The following NRXN1 variants were observed in gnomAD, a reference collection of about 807,000 sequenced individuals.
NRXN1 encodes neurexin 1, also known as neurexin-1.
In NRXN1, 39 loss-of-function variants were observed where a neutral mutation model predicts 150.9. The ratio of observed to expected loss-of-function variants is 0.26; its 90% CI spans 0.20 to 0.34. The LOEUF (loss-of-function observed/expected upper bound fraction) is 0.34, where lower values mean the gene tolerates loss of function less well. Ranked by LOEUF, NRXN1 falls within the 10% of genes least tolerant of loss-of-function variation. The probability of loss-of-function intolerance (pLI) is 1.00; values close to 1 mark genes in which losing one functional copy is unlikely to be tolerated. For synonymous variants in NRXN1, 924 were observed against 757.0 expected, an observed-to-expected ratio of 1.22 and a Z score of -3.62; for missense variants, 1,815 against 1,949.9, an observed-to-expected ratio of 0.93 and a Z score of 1.30.
rs200259939 is a variant in NRXN1, at chr2:50,538,223, G to T, written c.2143+30C>A. 3.1e-6 allele frequency: 5 copies of T among 1,590,346 alleles called. No homozygotes were observed. The African/African-American group carries it at 5.4e-5, about 17-fold the overall frequency. On this transcript the variant is annotated intron_variant, in intron 10 of 22. Coordinates refer to ENST00000401669, the MANE Select transcript of NRXN1 (RefSeq NM_001330078.2). Reference sequence around the variant, plus strand: ...CATTTAATAAACTTTTCATCTCAGGGAGTTGGCTGCTGGGGTTTTAGAATC... The same window carrying T: ...CATTTAATAAACTTTTCATCTCAGGTAGTTGGCTGCTGGGGTTTTAGAATC...
intron 22 of NRXN1, among the ~76,000 whole-genome samples, chr2:49,929,210 G>C (rs911132949): frequency 6.6e-6 from 1 of 152,118 alleles, no homozygotes; most frequent in African/African-American, 2.4e-5. Context: ...AGGACAGGCT[G>C]CTACCTCATA....
At position 50,365,835 on chromosome 2, in the gene NRXN1, A is replaced by G. The variant is rs113876556; in HGVS notation, c.3364+99607T>C. On this transcript the variant is annotated intron_variant, in intron 17 of 22. Transcript: ENST00000401669. Reference sequence around the variant, plus strand: ...GCAGACATTTCTTGCTTTACATATAACTGGAGTAATGTTTTCTAAATCTGG... The same window carrying G: ...GCAGACATTTCTTGCTTTACATATAGCTGGAGTAATGTTTTCTAAATCTGG... Among the ~76,000 whole-genome samples the G allele has an allele frequency of 7.9e-5, 12 of 152,202 alleles. 1 individual carries two copies. The highest frequency in any genetic ancestry group is 2.9e-4 in the African/African-American group (12 of 41,562).
At chr2:50,459,715 T>C (rs1024975372) in intron 17 of NRXN1, among the ~76,000 whole-genome samples, 1 of 152,186 alleles carries the variant, frequency 6.6e-6, no homozygotes, top group Non-Finnish European at 1.5e-5. Flanking sequence ...TCTGTCATAC[T>C]AAGCCATTTA....
chr2:50,073,697 T>A (rs1451695177), intron 19 of NRXN1, among the ~76,000 whole-genome samples: 4 of 152,154 alleles, frequency 2.6e-5, no homozygotes, highest in African/African-American at 9.7e-5. Flanking sequence ...CTGCTAATCA[T>A]TTGTAGAGAT....
At chr2:50,983,695 A>G (rs1038146733) in intron 2 of NRXN1, among the ~76,000 whole-genome samples, 8 of 152,172 alleles carry the variant, frequency 5.3e-5, no homozygotes, top group African/African-American at 1.7e-4. Flanking sequence ...AAACGTAAAA[A>G]AAGAAAAAAC....
intron 17 of NRXN1, among the ~76,000 whole-genome samples, chr2:50,247,494 T>A (rs2066619162): frequency 1.3e-5 from 2 of 152,156 alleles, no homozygotes; most frequent in Non-Finnish European, 2.9e-5. Context: ...CCAAATATGG[T>A]ACACTGAGGA....
chr2:50,360,912 T>C (rs180767903), intron 17 of NRXN1, among the ~76,000 whole-genome samples: 11 of 152,090 alleles, frequency 7.2e-5, no homozygotes, highest in South Asian at 4.2e-4. Context: ...TAACAAACAG[T>C]CTCTCAGACC....
At chr2:50,931,516 A>C (rs2104395200) in intron 2 of NRXN1, among the ~76,000 whole-genome samples, 1 of 152,214 alleles carries the variant, frequency 6.6e-6, no homozygotes, top group South Asian at 2.1e-4. Flanking sequence ...ATATCAAAGA[A>C]AAAATGAAAT....
At chr2:50,528,369 A>C (rs908931384) in intron 12 of NRXN1, among the ~76,000 whole-genome samples, 2 of 152,150 alleles carry the variant, frequency 1.3e-5, no homozygotes, top group Non-Finnish European at 2.9e-5. Context: ...AAATGTCTAT[A>C]AGGTGCTGGC....
At chr2:50,366,516 G>C (rs2079593942) in intron 17 of NRXN1, among the ~76,000 whole-genome samples, 1 of 151,900 alleles carries the variant, frequency 6.6e-6, no homozygotes, top group East Asian at 1.9e-4. Context: ...GAAAGGATGA[G>C]GGGGAAGTGC....
At chr2:50,759,376 T>C (rs1354266799) in intron 5 of NRXN1, among the ~76,000 whole-genome samples, 1 of 151,894 alleles carries the variant, frequency 6.6e-6, no homozygotes, top group African/African-American at 2.4e-5. Flanking sequence ...AAGCCATGTA[T>C]CTTTTTATCT....
chr2:50,775,817 T>C (rs1703553776), intron 5 of NRXN1, among the ~76,000 whole-genome samples: 1 of 152,138 alleles, frequency 6.6e-6, no homozygotes, highest in Non-Finnish European at 1.5e-5. Context: ...ATCTCTTGTT[T>C]AAAAGTCAAC....
At chr2:50,817,827 A>G (rs1309654586) in intron 5 of NRXN1, among the ~76,000 whole-genome samples, 3 of 152,040 alleles carry the variant, frequency 2.0e-5, no homozygotes, top group Non-Finnish European at 2.9e-5. Flanking sequence ...AACACTTAAC[A>G]AACTAGGAAT....
chr2:50,570,925 A>G (rs1670576866), intron 8 of NRXN1, among the ~76,000 whole-genome samples: 1 of 152,178 alleles, frequency 6.6e-6, no homozygotes, highest in Admixed American at 6.6e-5. Flanking sequence ...TATGCTAGAT[A>G]GATGTAAATT....
At chr2:50,582,817 G>A (rs1472218231) in intron 8 of NRXN1, among the ~76,000 whole-genome samples, 4 of 152,044 alleles carry the variant, frequency 2.6e-5, no homozygotes, top group African/African-American at 9.7e-5. Flanking sequence ...GTTTCAGTTG[G>A]GTTTCAGTTG....
chr2:50,198,949 G>T lies in NRXN1; in HGVS notation c.3546+37840C>A, dbSNP rs149364257. Among the ~76,000 whole-genome samples, 740 of 152,238 alleles carry T rather than the reference G, an allele frequency of 4.9e-3. 8 individuals carry two copies. The highest frequency in any genetic ancestry group is 0.017 in the African/African-American group (701 of 41,560). Reference sequence around the variant, plus strand: ...AGCTACAAAGGTGTATGGCATGGCTGACACTCCCCAGTAGCTGCCCAAGGA... The same window carrying T: ...AGCTACAAAGGTGTATGGCATGGCTTACACTCCCCAGTAGCTGCCCAAGGA... On this transcript the variant is annotated intron_variant, in intron 18 of 22. Transcript: ENST00000401669.
intron 21 of NRXN1, among the ~76,000 whole-genome samples, chr2:50,013,269 G>GTT (rs1166079952): frequency 2.5e-5 from 1 of 40,642 alleles, no homozygotes; most frequent in Non-Finnish European, 4.7e-5. Flanking sequence ...TACTATTAAA[G>GTT]TTTCTTTTTT....
chr2:50,534,649 C>G (rs726359), intron 10 of NRXN1, among the ~76,000 whole-genome samples: 1 of 151,944 alleles, frequency 6.6e-6, no homozygotes, highest in African/African-American at 2.4e-5. Flanking sequence ...AAGCAACAAG[C>G]ACCCGAATAA....
intron 21 of NRXN1, among the ~76,000 whole-genome samples, chr2:50,040,929 A>G (rs1321495329): frequency 6.6e-6 from 1 of 152,070 alleles, no homozygotes; most frequent in East Asian, 1.9e-4. Context: ...GGTTTGTTAC[A>G]TATGTAAACA....
Sources: allele counts gnomAD v4.1 joint callset (sites outside exome capture counted in the v4.1 genomes callset), GRCh38; gene constraint gnomAD v4.1.1; transcripts MANE v1.5; gene names NCBI Gene and HGNC (gene_info 2026-07-23, HGNC 2026-07-21).